SLIT2: variants seen among roughly 807,000 people sequenced by gnomAD.
The protein encoded by SLIT2 is slit homolog 2 protein.
In SLIT2, 41 loss-of-function variants were observed where a neutral mutation model predicts 185.7. That is an observed-to-expected ratio of 0.22 (90% CI 0.17 to 0.29). SLIT2 has a LOEUF of 0.29. SLIT2 is among the 10% of genes least tolerant of loss of function. SLIT2 has a pLI of 1.00. For synonymous variants in SLIT2, 693 were observed against 680.2 expected, an observed-to-expected ratio of 1.02 and a Z score of -0.29; for missense variants, 1,571 against 1,909.0, an observed-to-expected ratio of 0.82 and a Z score of 3.30.
chr4:20,288,156 T>G (rs1314389870), intron 4 of SLIT2, among the ~76,000 whole-genome samples: 1 of 152,204 alleles, frequency 6.6e-6, no homozygotes, highest in Non-Finnish European at 1.5e-5. Context: ...AACATATTAT[T>G]GTAATTTATC....
chr4:20,299,354 A>T (rs10938790), intron 4 of SLIT2, among the ~76,000 whole-genome samples: 93,341 of 152,076 alleles, frequency 0.61, 28,978 homozygotes, highest in East Asian at 0.86. Flanking sequence ...GAACTTTATC[A>T]CAAACCATGT....
At chr4:20,420,213 G>T (rs1728066224) in intron 4 of SLIT2, among the ~76,000 whole-genome samples, 2 of 152,048 alleles carry the variant, frequency 1.3e-5, no homozygotes, top group Non-Finnish European at 2.9e-5. Flanking sequence ...TTTGGTTAGG[G>T]TCTTCTCTGT....
At chr4:20,332,297 G>A (rs913764162) in intron 4 of SLIT2, among the ~76,000 whole-genome samples, 8 of 152,132 alleles carry the variant, frequency 5.3e-5, no homozygotes, top group African/African-American at 1.7e-4. Context: ...GCAGATACCC[G>A]TGTTTTATTC....
At chr4:20,381,347 A>C (rs1724494637) in intron 4 of SLIT2, among the ~76,000 whole-genome samples, 1 of 152,170 alleles carries the variant, frequency 6.6e-6, no homozygotes, top group African/African-American at 2.4e-5. Flanking sequence ...ATCATACAGA[A>C]TAATAAATAT....
At chr4:20,616,762 C>A in intron 34 of SLIT2, 148 bp from the exon 35 acceptor site, 1 of 748,058 alleles carries the variant, frequency 1.3e-6, no homozygotes, top group Non-Finnish European at 2.2e-6. Context: ...ATCTCTACAT[C>A]TCTTCTCCAC....
In SLIT2 at chr4:20,484,489, T is replaced by A. The variant is rs1717012748; in HGVS notation, c.540-1711T>A. Among the ~76,000 whole-genome samples the A allele has an allele frequency of 6.6e-6, 1 of 152,118 alleles. No individual in the cohort carries two copies. The highest frequency in any genetic ancestry group is 2.4e-5 in the African/African-American group (1 of 41,438). ...AATTCAAATGACTTAGAATAGTTCT[T>A]ATATAATTCAATACATTGCAAAACA... On this transcript the variant is annotated intron_variant, in intron 6 of 36. Transcript: ENST00000504154. The surrounding 1 kb of genome is among the most constrained non-coding windows in gnomAD (Gnocchi z 4.3).
At chr4:20,371,548 A>G (rs899863351) in intron 4 of SLIT2, among the ~76,000 whole-genome samples, 5 of 152,034 alleles carry the variant, frequency 3.3e-5, no homozygotes, top group East Asian at 1.9e-4. Context: ...CTTTTCTTCA[A>G]CAGTTGCTAG....
chr4:20,502,533 C>CA (rs1718834710), intron 9 of SLIT2, among the ~76,000 whole-genome samples: 2 of 151,992 alleles, frequency 1.3e-5, no homozygotes, highest in African/African-American at 2.4e-5. Context: ...TATGTGTGCA[C>CA]AAAAAACAAA....
Position 20,283,120 on chromosome 4 carries a change from G to GCGCACACACACA in SLIT2, c.395+14240_395+14241insGCACACACACAC, listed in dbSNP as rs143964894. On this transcript the variant is annotated intron_variant, in intron 4 of 36. Transcript: ENST00000504154. Reference sequence around the variant, plus strand: ...TGCCTGTGTGCCTGTGTGCGCGCGCGCACACACACACACACACACACACAA... The same window carrying GCGCACACACACA: ...TGCCTGTGTGCCTGTGTGCGCGCGCGCGCACACACACACACACACACACACACACACACACAA... 1.2e-3 allele frequency among the ~76,000 whole-genome samples: 176 copies of GCGCACACACACA among 149,958 alleles called. 1 individual carries two copies. The highest frequency in any genetic ancestry group is 4.2e-3 in the African/African-American group (171 of 41,134).
rs1240896631 is a variant in SLIT2, at chr4:20,463,462, T to G, written c.396-4290T>G. Among the ~76,000 whole-genome samples, 65 of 66,872 alleles carry G rather than the reference T, an allele frequency of 9.7e-4. 3 individuals are homozygous for G. The South Asian group carries it at 0.012, about 12-fold the overall frequency. 43.9% of individuals were successfully genotyped at this position (66,872 alleles called of 152,430 possible). A position where few individuals can be genotyped will look rare whatever the true frequency, so the allele number is the denominator to read the frequency against. On this transcript the variant is annotated intron_variant, in intron 4 of 36. Coordinates refer to ENST00000504154, the MANE Select transcript of SLIT2 (RefSeq NM_004787.4). ...CCTCAAACTGTGATATATATATATA[T>G]ATATATATATATATATATATATATA...
At chr4:20,255,138 G>A in intron 1 of SLIT2, 2 of 437,702 alleles carry the variant, frequency 4.6e-6, no homozygotes, top group South Asian at 1.6e-5. Context: ...GGGCTAGGCC[G>A]GCAGGGGCCA....
At chr4:20,558,123 AG>A (rs757638514) in intron 26 of SLIT2, among the ~76,000 whole-genome samples, 17 of 152,208 alleles carry the variant, frequency 1.1e-4, no homozygotes, top group Admixed American at 3.9e-4. Context: ...CAAAGGATTT[AG>A]AATATTATAT....
chr4:20,522,910 C>T (rs1457771243), intron 12 of SLIT2, among the ~76,000 whole-genome samples: 1 of 151,388 alleles, frequency 6.6e-6, no homozygotes, highest in African/African-American at 2.4e-5. Flanking sequence ...GGGAGGCAGG[C>T]ATATAGATGA....
intron 26 of SLIT2, among the ~76,000 whole-genome samples, chr4:20,557,192 T>C (rs892923244): frequency 6.6e-6 from 1 of 152,034 alleles, no homozygotes; most frequent in Non-Finnish European, 1.5e-5. Context: ...TCTAAGATAA[T>C]TGATGAAGGT....
intron 9 of SLIT2, among the ~76,000 whole-genome samples, chr4:20,504,749 G>A (rs988699049): frequency 7.2e-5 from 11 of 151,994 alleles, no homozygotes; most frequent in Admixed American, 3.9e-4. Context: ...GGGTGTGTGG[G>A]TGACGTTGCA....
chr4:20,271,285 A>G (rs569154721), intron 4 of SLIT2, among the ~76,000 whole-genome samples: 2 of 151,182 alleles, frequency 1.3e-5, no homozygotes, highest in South Asian at 4.2e-4. Context: ...TGATAGGACA[A>G]GGAAAGTATT....
At chr4:20,513,496 C>A (rs1245294137) in intron 11 of SLIT2, among the ~76,000 whole-genome samples, 2 of 152,044 alleles carry the variant, frequency 1.3e-5, no homozygotes, top group African/African-American at 4.8e-5. Flanking sequence ...TTCATTGAAC[C>A]ACAGTTAATA....
intron 29 of SLIT2, among the ~76,000 whole-genome samples, chr4:20,588,022 A>G (rs1727208794): frequency 6.6e-6 from 1 of 152,220 alleles, no homozygotes; most frequent in South Asian, 2.1e-4. Context: ...AGATTTGGTT[A>G]GAAACTGAAA....
intron 4 of SLIT2, among the ~76,000 whole-genome samples, chr4:20,458,088 CAAAAAA>C (rs10672353): frequency 8.9e-6 from 1 of 112,914 alleles, no homozygotes; most frequent in Non-Finnish European, 1.9e-5. Context: ...ACACATTATG[CAAAAAA>C]AAAAAAAAAA....
Sources: allele counts gnomAD v4.1 joint callset (sites outside exome capture counted in the v4.1 genomes callset), GRCh38; gene constraint gnomAD v4.1.1; non-coding constraint Gnocchi (gnomAD v3.1); transcripts MANE v1.5; gene names NCBI Gene and HGNC (gene_info 2026-07-23, HGNC 2026-07-21).